The following AOPEP variants were observed in gnomAD, a reference collection of about 807,000 sequenced individuals.
AOPEP encodes aminopeptidase O.
AOPEP carries 77 observed loss-of-function variants against 98.1 expected under a neutral mutation model. That is an observed-to-expected ratio of 0.78 (90% CI 0.65 to 0.95). The LOEUF (loss-of-function observed/expected upper bound fraction) is 0.95, where lower values mean the gene tolerates loss of function less well. Ranked by LOEUF, AOPEP falls within the 40% of genes least tolerant of loss-of-function variation. The pLI is 0.00. For synonymous variants in AOPEP, 346 were observed against 365.3 expected (o/e 0.95, Z 0.60); for missense variants, 1,024 against 1,024.7 (o/e 1.00, Z 0.01).
At chr9:95,088,165 T>A (rs375713077), downstream of AOPEP, among the ~76,000 whole-genome samples, 5 of 152,250 alleles carry the variant, frequency 3.3e-5, no homozygotes, top group East Asian at 9.7e-4. Flanking sequence ...CTGTGGAGAT[T>A]TAGAATGAAC....
chr9:95,087,548 T>TC (rs11301877), downstream of AOPEP, among the ~76,000 whole-genome samples: 19 of 145,952 alleles, frequency 1.3e-4, no homozygotes, highest in South Asian at 6.5e-4. Flanking sequence ...ATTCTGGTGT[T>TC]CCCCCCCCAC....
chr9:94,735,299 C>A (rs1430929224), intron 1 of AOPEP, among the ~76,000 whole-genome samples: 1 of 152,214 alleles, frequency 6.6e-6, no homozygotes, highest in African/African-American at 2.4e-5. Context: ...CGGCTCACTG[C>A]AAGCTCTGCC....
the AOPEP span, among the ~76,000 whole-genome samples, chr9:95,105,049 C>T: frequency 6.6e-6 from 1 of 152,278 alleles, no homozygotes; most frequent in African/African-American, 2.4e-5. Flanking sequence ...TTCTCGAAAG[C>T]ATTCTCGCTG....
At chr9:95,046,209 A>G (rs962778233) in intron 13 of AOPEP, among the ~76,000 whole-genome samples, 1 of 152,108 alleles carries the variant, frequency 6.6e-6, no homozygotes, top group Non-Finnish European at 1.5e-5. Context: ...AAATGGAAAT[A>G]CTCTCAAGAC....
intron 11 of AOPEP, among the ~76,000 whole-genome samples, chr9:94,999,656 A>G (rs987092741): frequency 6.6e-6 from 1 of 152,226 alleles, no homozygotes; most frequent in Non-Finnish European, 1.5e-5. Flanking sequence ...GGACTTTCAC[A>G]GAGTGCCCAT....
intron 13 of AOPEP, among the ~76,000 whole-genome samples, chr9:95,015,268 T>C (rs984763421): frequency 6.6e-6 from 1 of 152,132 alleles, no homozygotes; most frequent in Admixed American, 6.5e-5. Flanking sequence ...ATGTAAATAG[T>C]GTTAGTGTCT....
At chr9:94,975,009 C>G (rs1485125972) in intron 10 of AOPEP, among the ~76,000 whole-genome samples, 1 of 152,064 alleles carries the variant, frequency 6.6e-6, no homozygotes, top group Non-Finnish European at 1.5e-5. Context: ...AGGCTGGGAT[C>G]ATTTGAGGCC....
intron 1 of AOPEP, among the ~76,000 whole-genome samples, chr9:94,734,290 G>T (rs935593128): frequency 1.1e-4 from 17 of 152,118 alleles, no homozygotes; most frequent in African/African-American, 4.1e-4. Context: ...CCTTCCTACA[G>T]TTTTTCCTGT....
At chr9:94,841,169 ATTTTTT>A (rs67614379) in intron 5 of AOPEP, among the ~76,000 whole-genome samples, 2 of 133,842 alleles carry the variant, frequency 1.5e-5, no homozygotes, top group African/African-American at 5.5e-5. Context: ...GCTCCACACA[ATTTTTT>A]TTTTTTTTTT....
At position 94,930,882 on chromosome 9, in the gene AOPEP, T is replaced by C. The variant is rs1478082986; in HGVS notation, c.1661+2351T>C. Among the ~76,000 whole-genome samples, 1 of 152,074 alleles carries C rather than the reference T, an allele frequency of 6.6e-6. No individual in the cohort carries two copies. The highest frequency in any genetic ancestry group is 1.5e-5 in the Non-Finnish European group (1 of 67,982). On this transcript the variant is annotated intron_variant, in intron 7 of 16. Coordinates refer to ENST00000375315, the MANE Select transcript of AOPEP (RefSeq NM_001193329.3). The surrounding 1 kb of genome is among the most constrained non-coding windows in gnomAD (Gnocchi z 4.5). ...AGACTGGGAAGGTAGCAGAGGGACATGAGGGCCAGAGAGGTTTGCTTTCAG... is the reference window on the plus strand; with the variant it reads ...AGACTGGGAAGGTAGCAGAGGGACACGAGGGCCAGAGAGGTTTGCTTTCAG...
Position 95,082,738 on chromosome 9 carries a change from T to A in AOPEP, c.*4+19T>A. On this transcript the variant is annotated intron_variant, in intron 16 of 16. Transcript: ENST00000375315. Reference sequence around the variant, plus strand: ...TAACGAGGTGATTCTCTCCCTTTCCTTTCTGTCATTTAGTTCTAACCAGAT... The same window carrying A: ...TAACGAGGTGATTCTCTCCCTTTCCATTCTGTCATTTAGTTCTAACCAGAT... 6.2e-7 allele frequency: 1 copy of A among 1,613,572 alleles called. No individual in the cohort carries two copies. The highest frequency in any genetic ancestry group is 1.7e-4 in the Middle Eastern group (1 of 6,058).
intron 5 of AOPEP, among the ~76,000 whole-genome samples, chr9:94,906,974 G>C (rs905315784): frequency 4.6e-5 from 7 of 152,200 alleles, no homozygotes; most frequent in African/African-American, 1.7e-4. Context: ...GCTGATACTA[G>C]AAAGGAGAGG....
intron 3 of AOPEP, among the ~76,000 whole-genome samples, chr9:94,782,938 G>T (rs1843612246): frequency 6.6e-6 from 1 of 152,188 alleles, no homozygotes. Flanking sequence ...TTCAGACATT[G>T]ATGATTCTGG....
intron 10 of AOPEP, among the ~76,000 whole-genome samples, chr9:94,976,304 T>A (rs907697761): frequency 3.9e-5 from 6 of 152,018 alleles, no homozygotes; most frequent in Non-Finnish European, 8.8e-5. Context: ...TTAATAACAT[T>A]CCAGGGCTCA....
chr9:94,912,428 A>C (rs1381392074), intron 5 of AOPEP, among the ~76,000 whole-genome samples: 3 of 152,026 alleles, frequency 2.0e-5, no homozygotes, highest in Admixed American at 2.0e-4. Flanking sequence ...GGAAAGAAGG[A>C]ATGTGATATG....
rs1480502437 is a variant in AOPEP, at chr9:94,759,961, A to G, written c.178A>G (p.Ile60Val). ...CAGATTCAAGAAACAGAATAGCTCTATTGAGGAAGCCTGCCAATCAGAATC... is the reference window on the plus strand; with the variant it reads ...CAGATTCAAGAAACAGAATAGCTCTGTTGAGGAAGCCTGCCAATCAGAATC... ...GNRFKKQNSS[I>V]EEACQSESNK... The change falls in exon 2 of 17, where the codon ATT becomes GTT. Residue 60 changes from isoleucine to valine, a missense_variant. Physicochemically the swap from Ile to Val is conservative, Grantham distance 29 (BLOSUM62 3). This residue lies in a region of AOPEP where 440 missense variants were observed against 433.8 expected (regional missense o/e 1.01). Coordinates refer to ENST00000375315, the MANE Select transcript of AOPEP (RefSeq NM_001193329.3). 1 of 1,614,190 alleles carries G rather than the reference A, an allele frequency of 6.2e-7. No homozygotes were observed. Among genetic ancestry groups the G allele is most frequent in the Non-Finnish European group, 8.5e-7 (1 of 1,180,026 alleles).
At chr9:94,981,598 C>T (rs2060188447) in intron 11 of AOPEP, among the ~76,000 whole-genome samples, 1 of 152,178 alleles carries the variant, frequency 6.6e-6, no homozygotes, top group Non-Finnish European at 1.5e-5. Context: ...GCCCCTTTCC[C>T]ACTCCTTGAG....
intron 11 of AOPEP, among the ~76,000 whole-genome samples, chr9:94,989,002 G>A (rs1180251469): frequency 6.6e-6 from 1 of 151,506 alleles, no homozygotes; most frequent in East Asian, 1.9e-4. Context: ...TCCGCCTCCT[G>A]GGTTCAAGCA....
chr9:95,030,471 A>G (rs1397332027), intron 13 of AOPEP, among the ~76,000 whole-genome samples: 1 of 152,232 alleles, frequency 6.6e-6, no homozygotes, highest in African/African-American at 2.4e-5. Context: ...TCCTGGGGAT[A>G]TGTATACCTT....
Sources: gnomAD v4.1 joint callset for allele counts (sites outside exome capture counted in the v4.1 genomes callset) on GRCh38, gnomAD v4.1.1 for gene constraint, gnomAD v4.1.1 regional missense constraint, Gnocchi (gnomAD v3.1) non-coding constraint, MANE v1.5 for transcripts, NCBI Gene and HGNC (gene_info 2026-07-23, HGNC 2026-07-21) for gene names.